The following EYS variants were observed in gnomAD, a reference collection of about 807,000 sequenced individuals.
EYS encodes protein eyes shut homolog.
In EYS, 250 loss-of-function variants were observed where a neutral mutation model predicts 282.1. The ratio of observed to expected loss-of-function variants is 0.89; its 90% CI spans 0.80 to 0.98. The LOEUF (loss-of-function observed/expected upper bound fraction) is 0.98, where lower values mean the gene tolerates loss of function less well. Ranked by LOEUF, EYS falls within the 50% of genes least tolerant of loss-of-function variation. The pLI, the probability that EYS is intolerant of heterozygous loss-of-function variation, is 0.00. For synonymous variants in EYS, 1,355 were observed against 1,282.9 expected (o/e 1.06, Z -1.20); for missense variants, 4,016 against 3,709.0 (o/e 1.08, Z -2.15).
intron 28 of EYS, among the ~76,000 whole-genome samples, chr6:64,417,989 T>A (rs969338598): frequency 7.2e-5 from 11 of 152,188 alleles, no homozygotes; most frequent in African/African-American, 2.7e-4. Flanking sequence ...TTGCTATTAA[T>A]ATTATTCAAA....
At chr6:63,838,355 A>G (rs57698560) in intron 36 of EYS, among the ~76,000 whole-genome samples, 20,202 of 151,932 alleles carry the variant, frequency 0.13, 1,679 homozygotes, top group African/African-American at 0.24. Flanking sequence ...TAGGAGCTGG[A>G]TTTTGTTAAA....
chr6:64,487,371 G>A (rs1218464666), intron 26 of EYS, among the ~76,000 whole-genome samples: 2 of 151,030 alleles, frequency 1.3e-5, no homozygotes, highest in African/African-American at 4.8e-5. Flanking sequence ...GCTGAAAAAT[G>A]GTAATGATAT....
At chr6:65,238,578 TA>T (rs894381427) in intron 12 of EYS, among the ~76,000 whole-genome samples, 8 of 151,876 alleles carry the variant, frequency 5.3e-5, no homozygotes, top group Non-Finnish European at 1.2e-4. Context: ...GAGACAGAAC[TA>T]AAAATAAAGT....
chr6:64,046,374 T>C (rs896834177), intron 33 of EYS, among the ~76,000 whole-genome samples: 1 of 152,094 alleles, frequency 6.6e-6, no homozygotes, highest in African/African-American at 2.4e-5. Context: ...TCTCTCTCTC[T>C]CTCTCACCAT....
In EYS at chr6:63,721,700, A is replaced by G; in HGVS notation, c.8331T>C (p.Thr2777=). The change falls in exon 43 of 43, where the codon ACT becomes ACC. Residue 2777 remains threonine (T), a synonymous_variant. Coordinates refer to ENST00000503581, the MANE Select transcript of EYS (RefSeq NM_001142800.2). The stretch of plus-strand genomic sequence containing the variant: ...TTATATGCCAAGTACTTCCGTTTAT[A>G]GTTACTTTTTGGAGAGTTTCTAGAA... ...TIILETLQKV[T]INGSTWHIIK... is the part of the protein sequence containing the mutation. 2 of 1,551,408 alleles carry G rather than the reference A, an allele frequency of 1.3e-6. No homozygotes were observed. The highest frequency in any genetic ancestry group is 1.7e-6 in the Non-Finnish European group (2 of 1,146,740).
At chr6:64,871,362 A>G (rs1459653116) in intron 19 of EYS, among the ~76,000 whole-genome samples, 1 of 151,632 alleles carries the variant, frequency 6.6e-6, no homozygotes, top group East Asian at 1.9e-4. Context: ...CACAGAGTGG[A>G]AAGTACCTGT....
At chr6:64,501,673 A>T (rs1342159973) in intron 26 of EYS, among the ~76,000 whole-genome samples, 1 of 152,186 alleles carries the variant, frequency 6.6e-6, no homozygotes, top group Non-Finnish European at 1.5e-5. Flanking sequence ...AGAAGTTTTG[A>T]CAAATTTTAA....
chr6:64,704,515 ATAAT>A (rs1770918600), intron 22 of EYS, among the ~76,000 whole-genome samples: 1 of 141,678 alleles, frequency 7.1e-6, no homozygotes, highest in Non-Finnish European at 1.5e-5. Context: ...TAATAATATT[ATAAT>A]TATAATACTT....
At chr6:65,212,065 T>A (rs1766189897) in intron 12 of EYS, among the ~76,000 whole-genome samples, 1 of 150,720 alleles carries the variant, frequency 6.6e-6, no homozygotes, top group Non-Finnish European at 1.5e-5. Context: ...ACATAGAGAT[T>A]CAGAAAATTA....
intron 5 of EYS, among the ~76,000 whole-genome samples, chr6:65,443,597 C>G (rs962602510): frequency 6.6e-6 from 1 of 151,398 alleles, no homozygotes; most frequent in Non-Finnish European, 1.5e-5. Context: ...TATACATATA[C>G]ATCATATACA....
chr6:63,814,015 T>C (rs1483740503), intron 36 of EYS, among the ~76,000 whole-genome samples: 1 of 152,228 alleles, frequency 6.6e-6, no homozygotes, highest in African/African-American at 2.4e-5. Flanking sequence ...TACACGTCTT[T>C]CCTCTGTCTT....
At chr6:64,430,947 A>C (rs909687495) in intron 28 of EYS, among the ~76,000 whole-genome samples, 1 of 152,182 alleles carries the variant, frequency 6.6e-6, no homozygotes, top group East Asian at 1.9e-4. Flanking sequence ...GTCAGAGAGT[A>C]GAAAAGCCAC....
chr6:65,443,659 A>C (rs1465291462), intron 5 of EYS, among the ~76,000 whole-genome samples: 1 of 151,618 alleles, frequency 6.6e-6, no homozygotes, highest in Non-Finnish European at 1.5e-5. Context: ...GTCTATACAC[A>C]TATACGTATA....
chr6:65,448,621 T>A (rs1764281696), intron 5 of EYS, among the ~76,000 whole-genome samples: 1 of 152,014 alleles, frequency 6.6e-6, no homozygotes, highest in African/African-American at 2.4e-5. Flanking sequence ...GCACACACAC[T>A]CATATACATA....
intron 11 of EYS, among the ~76,000 whole-genome samples, chr6:65,323,588 G>A (rs946210624): frequency 3.7e-5 from 5 of 134,676 alleles, no homozygotes; most frequent in African/African-American, 1.4e-4. Context: ...GATTGGTACT[G>A]TTACCTTCAT....
chr6:64,475,844 T>C (rs903469959), intron 26 of EYS, among the ~76,000 whole-genome samples: 68 of 152,268 alleles, frequency 4.5e-4, no homozygotes, highest in African/African-American at 1.4e-3. Context: ...TGGAGTGCAA[T>C]AGCATGTTCA....
intron 35 of EYS, among the ~76,000 whole-genome samples, chr6:63,914,043 C>T (rs1198962208): frequency 6.6e-6 from 1 of 152,100 alleles, no homozygotes; most frequent in East Asian, 1.9e-4. Context: ...TCAGGTGCCA[C>T]AAACCACTCC....
chr6:64,169,080 C>T (rs191391367), intron 31 of EYS, among the ~76,000 whole-genome samples: 87 of 152,268 alleles, frequency 5.7e-4, no homozygotes, highest in Admixed American at 1.3e-3. Flanking sequence ...TCAATTATTA[C>T]CCTCCTTAGA....
chr6:63,859,416 A>G (rs1772479795), intron 36 of EYS, among the ~76,000 whole-genome samples: 1 of 152,092 alleles, frequency 6.6e-6, no homozygotes, highest in Non-Finnish European at 1.5e-5. Flanking sequence ...TCTGGAGCCT[A>G]TTCTTAGGTA....
Sources: allele counts gnomAD v4.1 joint callset (sites outside exome capture counted in the v4.1 genomes callset), GRCh38; gene constraint gnomAD v4.1.1; transcripts MANE v1.5; gene names NCBI Gene and HGNC (gene_info 2026-07-23, HGNC 2026-07-21).